TGFBRAP1: variants seen among roughly 807,000 people sequenced by gnomAD.
TGFBRAP1 encodes the protein transforming growth factor beta receptor associated protein 1.
Under a neutral mutation model 83.2 loss-of-function variants are expected in TGFBRAP1, and 20 were observed. That is an observed-to-expected ratio of 0.24 (90% CI 0.17 to 0.35). The LOEUF (loss-of-function observed/expected upper bound fraction) is 0.35. Among genes scored for constraint, TGFBRAP1 ranks in the 10% least tolerant of loss-of-function variants. The pLI, the probability that TGFBRAP1 is intolerant of heterozygous loss-of-function variation, is 1.00. For missense variants in TGFBRAP1, 950 were observed against 1,099.4 expected (o/e 0.86, Z 1.92); for synonymous variants, 415 against 459.8 (o/e 0.90, Z 1.25).
At chr2:105,255,754 C>T in the TGFBRAP1 span, among the ~76,000 whole-genome samples, 1 of 152,162 alleles carries the variant, frequency 6.6e-6, no homozygotes, top group Non-Finnish European at 1.5e-5. Flanking sequence ...TTAGGGAAGC[C>T]CCTGCACCCC....
rs1198445714 is a variant in TGFBRAP1 at position 105,314,249 on chromosome 2, CTTTTTT to C, written c.-17-5937_-17-5932del. 2.5e-5 allele frequency among the ~76,000 whole-genome samples: 3 copies of C among 118,644 alleles called. No homozygotes were observed. The Admixed American group carries it at 2.6e-4, about 10-fold the overall frequency. 77.8% of individuals were successfully genotyped at this position (118,644 alleles called of 152,430 possible). On this transcript the variant is annotated intron_variant, in intron 1 of 11. Transcript: ENST00000393359. ...AGGTACCCAGCCTGTAGTACTTTCT[CTTTTTT>C]TTTTTTTTTTTTTTTGAGACAGTCT...
At chr2:105,271,589 G>A (rs1677155915) in intron 10 of TGFBRAP1, among the ~76,000 whole-genome samples, 1 of 152,128 alleles carries the variant, frequency 6.6e-6, no homozygotes, top group South Asian at 2.1e-4. Context: ...TGTGGCAAGC[G>A]GGGTAACCTC....
rs114013192 is a variant in TGFBRAP1, at chr2:105,303,433, G to C, written c.688+4181C>G. Among the ~76,000 whole-genome samples the C allele has an allele frequency of 6.1e-3, 926 of 152,260 alleles. 14 individuals carry two copies. Among genetic ancestry groups the C allele is most frequent in the African/African-American group, 0.021 (882 of 41,544 alleles). ...CAGACCCAGGGCAAGAAATGTACGA[G>C]GTGATCTAGGAATATCCTGAAACTC... On this transcript the variant is annotated intron_variant, in intron 2 of 11. Transcript: ENST00000393359.
chr2:105,288,917 C>A (rs528563837), intron 4 of TGFBRAP1, among the ~76,000 whole-genome samples: 175 of 152,192 alleles, frequency 1.1e-3, no homozygotes, highest in African/African-American at 4.2e-3. Context: ...CTTGGGGAAT[C>A]ACAATAAGTG....
At chr2:105,284,485 G>A (rs1003430878) in intron 4 of TGFBRAP1, 87 bp from the exon 5 acceptor site, 33 of 1,175,594 alleles carry the variant, frequency 2.8e-5, no homozygotes, top group South Asian at 6.4e-5. Context: ...ATAAGTGTTC[G>A]TTATAACATA....
rs1245091974 is a variant in TGFBRAP1 at position 105,284,097 on chromosome 2, C to A, written c.1121+219G>T. On this transcript the variant is annotated intron_variant, in intron 5 of 11. Coordinates refer to ENST00000393359, the MANE Select transcript of TGFBRAP1 (RefSeq NM_004257.6). Reference sequence around the variant, plus strand: ...TGTCTGTGCCCTTTGTCTGCTCCCACTCTAAGACATAGGCCAGTTAAATTA... The same window carrying A: ...TGTCTGTGCCCTTTGTCTGCTCCCAATCTAAGACATAGGCCAGTTAAATTA... Among the ~76,000 whole-genome samples, 5 of 152,154 alleles carry A rather than the reference C, an allele frequency of 3.3e-5. No homozygotes were observed. The East Asian group carries it at 9.6e-4, about 29-fold the overall frequency.
intron 4 of TGFBRAP1, among the ~76,000 whole-genome samples, chr2:105,289,498 C>T (rs1166921080): frequency 6.7e-6 from 1 of 148,460 alleles, no homozygotes; most frequent in Non-Finnish European, 1.5e-5. Context: ...CTTGGGTAGC[C>T]TTCCAGAGAT....
chr2:105,313,724 T>C (rs1032808867), intron 1 of TGFBRAP1, among the ~76,000 whole-genome samples: 1 of 152,054 alleles, frequency 6.6e-6, no homozygotes, highest in African/African-American at 2.4e-5. Context: ...AAAAATGCAA[T>C]ATGGCTAAGT....
chr2:105,282,058 T>C (rs115590109), intron 5 of TGFBRAP1, among the ~76,000 whole-genome samples: 206 of 152,320 alleles, frequency 1.4e-3, no homozygotes, highest in African/African-American at 4.7e-3. Flanking sequence ...CTGCTCATTG[T>C]TTAAGATCCA....
intron 4 of TGFBRAP1, among the ~76,000 whole-genome samples, chr2:105,288,715 T>G (rs1290922572): frequency 6.6e-6 from 1 of 152,212 alleles, no homozygotes; most frequent in Non-Finnish European, 1.5e-5. Context: ...TAAGTTATTG[T>G]CTAAACAGAA....
At chr2:105,288,848 C>T (rs1677804796) in intron 4 of TGFBRAP1, among the ~76,000 whole-genome samples, 1 of 152,038 alleles carries the variant, frequency 6.6e-6, no homozygotes, top group Non-Finnish European at 1.5e-5. Flanking sequence ...GTATATATAT[C>T]CCTTTGTGAG....
intron 11 of TGFBRAP1, 96 bp from the exon 12 acceptor site, chr2:105,267,655 A>G (rs1356832202): frequency 5.9e-6 from 9 of 1,535,846 alleles, no homozygotes; most frequent in Non-Finnish European, 5.2e-6. Context: ...GCATTACTCC[A>G]TGGGTTATTA....
the TGFBRAP1 span, among the ~76,000 whole-genome samples, chr2:105,254,461 C>G: frequency 4.6e-5 from 7 of 152,050 alleles, no homozygotes; most frequent in Admixed American, 3.3e-4. Flanking sequence ...AAAGCTAAGA[C>G]CAATTAATAT....
intron 8 of TGFBRAP1, among the ~76,000 whole-genome samples, chr2:105,274,369 C>A (rs1457045657): frequency 6.6e-6 from 1 of 152,222 alleles, no homozygotes; most frequent in Non-Finnish European, 1.5e-5. Flanking sequence ...TGCACGCACA[C>A]ACGCACCTCC....
intron 4 of TGFBRAP1, among the ~76,000 whole-genome samples, chr2:105,287,123 G>T (rs991253938): frequency 6.6e-6 from 1 of 151,980 alleles, no homozygotes; most frequent in African/African-American, 2.4e-5. Context: ...ATGATTCCCC[G>T]GATGCGAGGT....
At chr2:105,271,826 C>T (rs1031501236) in intron 10 of TGFBRAP1, among the ~76,000 whole-genome samples, 1 of 152,158 alleles carries the variant, frequency 6.6e-6, no homozygotes, top group African/African-American at 2.4e-5. Flanking sequence ...AGGTCATTTA[C>T]GACAAGCACA....
chr2:105,258,931 A>C, the TGFBRAP1 span, among the ~76,000 whole-genome samples: 1 of 152,226 alleles, frequency 6.6e-6, no homozygotes, highest in Non-Finnish European at 1.5e-5. Flanking sequence ...TAAACACAAG[A>C]TACCTGAAAA....
chr2:105,325,132 G>C (rs1679186947), intron 1 of TGFBRAP1: 1 of 152,304 alleles, frequency 6.6e-6, no homozygotes, highest in African/African-American at 2.4e-5. Context: ...GGTAAGTAGA[G>C]AGCTGGGATT....
At chr2:105,295,809 C>CAAAAAAAAAAAA (rs368369527) in intron 4 of TGFBRAP1, among the ~76,000 whole-genome samples, 1 of 75,016 alleles carries the variant, frequency 1.3e-5, no homozygotes. Flanking sequence ...GACTCCATCT[C>CAAAAAAAAAAAA]AAAAAAAAAA....
Sources: allele counts gnomAD v4.1 joint callset (sites outside exome capture counted in the v4.1 genomes callset), GRCh38; gene constraint gnomAD v4.1.1; transcripts MANE v1.5; gene names NCBI Gene and HGNC (gene_info 2026-07-23, HGNC 2026-07-21).